RPL3: variants seen among roughly 807,000 people sequenced by gnomAD.
RPL3 encodes ribosomal protein L3.
Under a neutral mutation model 46.0 loss-of-function variants are expected in RPL3, and 3 were observed. That is an observed-to-expected ratio of 0.07 (90% confidence interval 0.03 to 0.17). The LOEUF (loss-of-function observed/expected upper bound fraction) is 0.17. Ranked by LOEUF, RPL3 falls within the 10% of genes least tolerant of loss-of-function variation. RPL3 has a pLI of 1.00. For missense variants in RPL3, 387 were observed against 532.7 expected (o/e 0.73, Z 2.69); for synonymous variants, 224 against 190.8 (o/e 1.17, Z -1.43).
intron 6 of RPL3, 189 bp downstream of exon 6, chr22:39,314,497 C>T (rs1302356637): frequency 2.8e-6 from 2 of 702,272 alleles, no homozygotes; most frequent in East Asian, 2.7e-5. Context: ...AGCCCCACCA[C>T]AGCCACTCTA....
At chr22:39,316,391 A>G (rs2146515759) in intron 4 of RPL3, among the ~76,000 whole-genome samples, 1 of 152,330 alleles carries the variant, frequency 6.6e-6, no homozygotes, top group Admixed American at 6.5e-5. Context: ...AGCCAGGATA[A>G]CCAGTAACAG....
chr22:39,315,644 C>G lies in RPL3; in HGVS notation c.502-89G>C. Reference sequence around the variant, plus strand: ...CAGCTCCATGCGGCCTGATTGATGTCAAGCACACGGCAAAAAGCCAGTAAC... The same window carrying G: ...CAGCTCCATGCGGCCTGATTGATGTGAAGCACACGGCAAAAAGCCAGTAAC... On this transcript the variant is annotated intron_variant, in intron 4 of 9. Coordinates refer to ENST00000216146, the MANE Select transcript of RPL3 (RefSeq NM_000967.4). The G allele has an allele frequency of 4.0e-6, 6 of 1,482,368 alleles. No individual in the cohort carries two copies. The Admixed American group carries it at 1.1e-4, about 28-fold the overall frequency. The allele number at this position is 1,482,368 out of a possible 1,614,324, so 91.8% of individuals were successfully genotyped here.
At chr22:39,317,748 G>T in intron 2 of RPL3, 119 bp from the exon 3 acceptor site, 1 of 1,096,550 alleles carries the variant, frequency 9.1e-7, no homozygotes, top group Non-Finnish European at 1.3e-6. Flanking sequence ...CACACCTGCA[G>T]TACGGACTCA....
At chr22:39,315,904 C>T (rs1922656502) in intron 4 of RPL3, among the ~76,000 whole-genome samples, 1 of 152,116 alleles carries the variant, frequency 6.6e-6, no homozygotes, top group African/African-American at 2.4e-5. Context: ...CTACACTTGC[C>T]CTAGTGACAA....
Position 39,314,670 on chromosome 22 carries a change from A to T in RPL3, c.849+16T>A, listed in dbSNP as rs1465668122. ...GGCCTCTTCCCACCCCCAGGGAGCC[A>T]CTCTCAGAACCTCACCTTCTTGTTG... On this transcript the variant is annotated intron_variant, in intron 6 of 9. Transcript: ENST00000216146. 6.2e-7 allele frequency: 1 copy of T among 1,604,074 alleles called. No homozygotes were observed. Among genetic ancestry groups the T allele is most frequent in the Non-Finnish European group, 8.5e-7 (1 of 1,173,688 alleles).
intron 2 of RPL3, chr22:39,318,180 C>A (rs1922821643): frequency 5.6e-6 from 3 of 539,434 alleles, no homozygotes; most frequent in Admixed American, 3.8e-5. Context: ...GAAATCAATA[C>A]CCCACACCGC....
chr22:39,318,862 C>G (rs1182117635), intron 1 of RPL3, among the ~76,000 whole-genome samples: 1 of 152,114 alleles, frequency 6.6e-6, no homozygotes, highest in East Asian at 1.9e-4. Flanking sequence ...CAAAAATACA[C>G]TAAGTAGTGG....
intron 6 of RPL3, 159 bp downstream of exon 6, chr22:39,314,527 T>C (rs1475012588): frequency 3.3e-6 from 3 of 901,762 alleles, no homozygotes; most frequent in Non-Finnish European, 5.0e-6. Context: ...ACCTTACAAA[T>C]CATCAAGATG....
At position 39,317,472 on chromosome 22, in the gene RPL3, G is replaced by A. The variant is rs148616680; in HGVS notation, c.354C>T (p.Phe118=). The stretch of plus-strand genomic sequence containing the variant: ...GCCTCCTCCCTTACCAATTCTTATA[G>A]AAACGCCTCTTGCATTCATCACTGA... ...EHISDECKRR[F]YKNWHKSKKK... The change falls in exon 3 of 10, where the codon TTC becomes TTT. Residue 118 remains phenylalanine, a synonymous_variant. Transcript: ENST00000216146. The A allele has an allele frequency of 6.2e-7, 1 of 1,613,626 alleles. No homozygotes were observed. The highest frequency in any genetic ancestry group is 8.5e-7 in the Non-Finnish European group (1 of 1,179,636).
Position 39,315,430 on chromosome 22 carries a change from T to G in RPL3, c.627A>C (p.Gln209His), listed in dbSNP as rs1400427370. 1.2e-6 allele frequency: 2 copies of G among 1,613,968 alleles called. No individual in the cohort carries two copies. The highest frequency in any genetic ancestry group is 3.3e-5 in the Admixed American group (2 of 60,022). ...CGATCATCTCATCCTGCCCAAACAC[T>G]TGGTTCACAGGTACCTGCTGCTCAA... ...ERLEQQVPVN[Q>H]VFGQDEMIDV... is the part of the protein sequence containing the mutation. The change falls in exon 5 of 10, where the codon CAA becomes CAC. Residue 209 changes from glutamine (Q) to histidine (H), a missense_variant. By Grantham distance (24) the Gln-to-His change is conservative. Coordinates refer to ENST00000216146, the MANE Select transcript of RPL3 (RefSeq NM_000967.4).
Position 39,314,799 on chromosome 22 carries a change from G to T in RPL3, c.736C>A (p.Arg246=), listed in dbSNP as rs1319279433. 1 of 1,613,756 alleles carries T rather than the reference G, an allele frequency of 6.2e-7. No individual in the cohort carries two copies. Among genetic ancestry groups the T allele is most frequent in the Admixed American group, 1.7e-5 (1 of 59,996 alleles). The stretch of plus-strand genomic sequence containing the variant: ...ATACAGGCCACCTTGCGCAGGCCTC[G>T]GTGGGTCTTGCGGGGCAGCTTCTTG... ...HTKKLPRKTH[R]GLRKVACIGA... is the part of the protein sequence containing the mutation. The change falls in exon 6 of 10, where the codon CGA becomes AGA. Residue 246 remains arginine (R), a synonymous_variant. Transcript: ENST00000216146.
intron 3 of RPL3, 54 bp downstream of exon 3, chr22:39,317,407 T>G: frequency 6.3e-7 from 1 of 1,580,742 alleles, no homozygotes; most frequent in Non-Finnish European, 8.6e-7. Context: ...CGCTGCTCCC[T>G]GCTCTCCAGC....
chr22:39,315,639 G>T, intron 4 of RPL3, 84 bp from the exon 5 acceptor site: 1 of 1,512,614 alleles, frequency 6.6e-7, no homozygotes, highest in Non-Finnish European at 9.1e-7. Context: ...CGGCCTGATT[G>T]ATGTCAAGCA....
chr22:39,316,458 A>G (rs1429918810), intron 4 of RPL3, among the ~76,000 whole-genome samples: 2 of 152,178 alleles, frequency 1.3e-5, no homozygotes, highest in African/African-American at 4.8e-5. Flanking sequence ...CAGCTCATCA[A>G]CTAGGTTTCC....
chr22:39,317,893 G>A (rs1338235220), intron 2 of RPL3: 2 of 480,398 alleles, frequency 4.2e-6, no homozygotes, highest in Non-Finnish European at 7.5e-6. Context: ...AGGCAGACAA[G>A]ATTGCTATTT....
rs1601631030 is a variant in RPL3 at position 39,317,561 on chromosome 22, T to C, written c.265A>G (p.Ile89Val). The C allele has an allele frequency of 1.2e-6, 2 of 1,613,956 alleles. No individual in the cohort carries two copies. Among genetic ancestry groups the C allele is most frequent in the Non-Finnish European group, 1.7e-6 (2 of 1,179,854 alleles). The change falls in exon 3 of 10, where the codon ATT becomes GTT. Residue 89 changes from isoleucine to valine, a missense_variant. By Grantham distance (29) the Ile-to-Val change is conservative. Around this residue, in one of 5 missense-constraint regions of RPL3, gnomAD observed 196 missense variants for 217.5 expected, o/e 0.90. Coordinates refer to ENST00000216146, the MANE Select transcript of RPL3 (RefSeq NM_000967.4). ...VETPPMVVVGIVGYVETPRGL... is the reference protein window; with the variant it reads ...VETPPMVVVGVVGYVETPRGL... ...CGAGGGGTTTCCACGTAGCCCACAA[T>C]GCCCACAACCACCATGGGTGGTGTC...
At chr22:39,318,110 AC>A (rs1052988071) in intron 2 of RPL3, 48 of 422,894 alleles carry the variant, frequency 1.1e-4, no homozygotes, top group Non-Finnish European at 2.0e-4. Flanking sequence ...AGCAGCTCCA[AC>A]CCCCCACACT....
At position 39,317,708 on chromosome 22, in the gene RPL3, C is replaced by T. The variant is rs1363983188; in HGVS notation, c.197-79G>A. On this transcript the variant is annotated intron_variant, in intron 2 of 9. Coordinates refer to ENST00000216146, the MANE Select transcript of RPL3 (RefSeq NM_000967.4). Reference sequence around the variant, plus strand: ...ATGTTTTCTAGGAAAATGCAAAGTGCCCATTTAGGCCGGAAGGGCAACTGG... The same window carrying T: ...ATGTTTTCTAGGAAAATGCAAAGTGTCCATTTAGGCCGGAAGGGCAACTGG... 13 of 1,542,846 alleles carry T rather than the reference C, an allele frequency of 8.4e-6. No individual in the cohort carries two copies. The Admixed American group carries it at 9.0e-5, about 11-fold the overall frequency.
chr22:39,314,882 A>G, intron 5 of RPL3, 36 bp from the exon 6 acceptor site: 3 of 1,598,906 alleles, frequency 1.9e-6, no homozygotes, highest in Non-Finnish European at 1.7e-6. Flanking sequence ...CTCAGCGCCC[A>G]GCACCTCCCA....
Sources: allele counts gnomAD v4.1 joint callset (sites outside exome capture counted in the v4.1 genomes callset), GRCh38; gene constraint gnomAD v4.1.1; regional missense constraint gnomAD v4.1.1; transcripts MANE v1.5; gene names NCBI Gene and HGNC (gene_info 2026-07-23, HGNC 2026-07-21).